NAT10: variants seen among roughly 807,000 people sequenced by gnomAD.
NAT10 encodes N-acetyltransferase 10, also known as RNA cytidine acetyltransferase.
In NAT10, 109 loss-of-function variants were observed where a neutral mutation model predicts 132.2. The observed-to-expected ratio is 0.82, with a 90% confidence interval of 0.71 to 0.97. The LOEUF (loss-of-function observed/expected upper bound fraction) is 0.97. NAT10 is among the 50% of genes least tolerant of loss of function. NAT10 has a pLI of 0.00. For synonymous variants in NAT10, 479 were observed against 478.0 expected, an observed-to-expected ratio of 1.00 and a Z score of -0.03; for missense variants, 1,184 against 1,263.4, an observed-to-expected ratio of 0.94 and a Z score of 0.95.
chr11:34,145,542 G>C (rs186076826), intron 28 of NAT10, among the ~76,000 whole-genome samples: 13 of 152,250 alleles, frequency 8.5e-5, no homozygotes, highest in Admixed American at 8.5e-4. Flanking sequence ...AGAATCCAGG[G>C]GCTGGTCGCA....
intron 2 of NAT10, 53 bp from the exon 3 acceptor site, chr11:34,108,689 G>A (rs951379836): frequency 2.9e-5 from 44 of 1,507,064 alleles, no homozygotes; most frequent in South Asian, 9.5e-5. Context: ...TAAGCCTGGC[G>A]GTCTCTAAAG....
intron 8 of NAT10, among the ~76,000 whole-genome samples, chr11:34,119,384 CA>C (rs1244128535): frequency 6.6e-6 from 1 of 152,254 alleles, no homozygotes; most frequent in Non-Finnish European, 1.5e-5. Flanking sequence ...TGAGTCCCAG[CA>C]GGCTGGCTTC....
At chr11:34,120,702 C>T (rs989277696) in intron 8 of NAT10, among the ~76,000 whole-genome samples, 3 of 152,180 alleles carry the variant, frequency 2.0e-5, no homozygotes, top group African/African-American at 7.2e-5. Context: ...GAGCTTGCCT[C>T]CTAGTGAGAT....
intron 15 of NAT10, 144 bp downstream of exon 15, chr11:34,132,365 G>T: frequency 1.4e-6 from 1 of 725,664 alleles, no homozygotes; most frequent in Non-Finnish European, 2.5e-6. Flanking sequence ...TGATCTTGCT[G>T]TGTGTAGGTA....
At chr11:34,108,636 C>T (rs1851637541) in intron 2 of NAT10, 106 bp from the exon 3 acceptor site, 1 of 1,073,824 alleles carries the variant, frequency 9.3e-7, no homozygotes. Flanking sequence ...CACTTCCCTT[C>T]CCTGGCCCTC....
rs150761395 is a variant in NAT10 at position 34,115,805 on chromosome 11, G to T, written c.496-18G>T. 1 of 1,613,662 alleles carries T rather than the reference G, an allele frequency of 6.2e-7. No individual in the cohort carries two copies. The highest frequency in any genetic ancestry group is 8.5e-7 in the Non-Finnish European group (1 of 1,179,766). On this transcript the variant is annotated intron_variant, in intron 5 of 28. Transcript: ENST00000257829. ...TGTTTGCATGCCTTTGTTAATGGATGTTGTCTTTCTTTGTTAGGATGTGCA... is the reference window on the plus strand; with the variant it reads ...TGTTTGCATGCCTTTGTTAATGGATTTTGTCTTTCTTTGTTAGGATGTGCA...
chr11:34,117,858 C>T (rs1181493351), intron 6 of NAT10, among the ~76,000 whole-genome samples: 1 of 152,038 alleles, frequency 6.6e-6, no homozygotes, highest in Non-Finnish European at 1.5e-5. Context: ...CCTGAAACAC[C>T]TCAGTGCTAA....
intron 12 of NAT10, among the ~76,000 whole-genome samples, chr11:34,129,346 C>T (rs984068209): frequency 1.3e-5 from 2 of 152,092 alleles, no homozygotes; most frequent in Non-Finnish European, 2.9e-5. Flanking sequence ...AGTGACCTCT[C>T]GTTATAATTC....
chr11:34,129,855 C>T (rs552040150), intron 12 of NAT10, among the ~76,000 whole-genome samples: 8 of 151,970 alleles, frequency 5.3e-5, no homozygotes, highest in Admixed American at 3.3e-4. Flanking sequence ...GTGATCTACC[C>T]GCCTCGGCCT....
rs780028551 is a variant in NAT10, at chr11:34,140,512, C to T, written c.2532C>T (p.Ala844=). Residue 844 remains alanine, a synonymous_variant, in exon 24 of 29, where the codon GCC becomes GCT. Coordinates refer to ENST00000257829, the MANE Select transcript of NAT10 (RefSeq NM_024662.3). ...ACCTCATCATGGACATGATCCCGGC[C>T]ATCTCTCGCATCTATTTCCTGAACC... is the stretch of plus-strand genomic sequence containing the variant. ...DYHLIMDMIP[A]ISRIYFLNQL... 1.9e-6 allele frequency: 3 copies of T among 1,614,220 alleles called. No individual in the cohort carries two copies. Among genetic ancestry groups the T allele is most frequent in the South Asian group, 2.2e-5 (2 of 91,074 alleles).
chr11:34,140,913 G>A lies in NAT10; in HGVS notation c.2593-176G>A, dbSNP rs550273985. 1.2e-4 allele frequency among the ~76,000 whole-genome samples: 18 copies of A among 152,188 alleles called. No individual in the cohort carries two copies. In the South Asian group the frequency reaches 3.7e-3, roughly 32 times the overall value. ...AAAGTTACTTTGGGGATTTTAGGAA[G>A]ACAGCATTTCTTGGTGGTCTCAGTA... On this transcript the variant is annotated intron_variant, in intron 24 of 28. Coordinates refer to ENST00000257829, the MANE Select transcript of NAT10 (RefSeq NM_024662.3).
chr11:34,141,633 T>G (rs1401772527), intron 25 of NAT10, 86 bp from the exon 26 acceptor site: 1 of 1,185,262 alleles, frequency 8.4e-7, no homozygotes, highest in Non-Finnish European at 1.2e-6. Flanking sequence ...CACACCTTTC[T>G]ATAAGACACC....
chr11:34,141,346 C>T (rs1220263490), intron 25 of NAT10, 138 bp downstream of exon 25: 3 of 1,217,648 alleles, frequency 2.5e-6, no homozygotes, highest in Non-Finnish European at 3.4e-6. Context: ...CACACACACA[C>T]AAATCCAGGA....
intron 3 of NAT10, 31 bp from the exon 4 acceptor site, chr11:34,112,021 C>G (rs371955650): frequency 6.2e-7 from 1 of 1,612,008 alleles, no homozygotes; most frequent in Non-Finnish European, 8.5e-7. Flanking sequence ...GGTTAACTGG[C>G]TCTCATGGGA....
At chr11:34,139,337 G>A in intron 22 of NAT10, 48 bp from the exon 23 acceptor site, 3 of 1,609,700 alleles carry the variant, frequency 1.9e-6, no homozygotes, top group Non-Finnish European at 2.6e-6. Context: ...ATTGGGGGCT[G>A]CCGGGGATGC....
chr11:34,122,452 T>G lies in NAT10; in HGVS notation c.781-7T>G, dbSNP rs975274958. 2.5e-6 allele frequency: 4 copies of G among 1,614,106 alleles called. No homozygotes were observed. Among genetic ancestry groups the G allele is most frequent in the Non-Finnish European group, 3.4e-6 (4 of 1,179,994 alleles). On this transcript the variant is annotated splice_polypyrimidine_tract_variant and splice_region_variant and intron_variant, in intron 8 of 28. Transcript: ENST00000257829. ...GGAGTTCACCTAATATGTTTCTGTT[T>G]CCACAGGCCAAAGCTGTCTTGAAAT...
intron 8 of NAT10, among the ~76,000 whole-genome samples, chr11:34,121,203 A>C (rs922438418): frequency 6.6e-6 from 1 of 152,118 alleles, no homozygotes; most frequent in Non-Finnish European, 1.5e-5. Flanking sequence ...TTTTAAGAGG[A>C]TCGTCTGGCT....
At chr11:34,132,380 G>A (rs1245835340) in intron 15 of NAT10, among the ~76,000 whole-genome samples, 159 bp downstream of exon 15, 1 of 152,220 alleles carries the variant, frequency 6.6e-6, no homozygotes, top group Admixed American at 6.5e-5. Context: ...TAGGTATAGA[G>A]CATGTAGCTC....
At chr11:34,129,246 C>G (rs1852056339) in intron 12 of NAT10, among the ~76,000 whole-genome samples, 1 of 152,298 alleles carries the variant, frequency 6.6e-6, no homozygotes, top group African/African-American at 2.4e-5. Context: ...TTCTACGTTC[C>G]CACCAGCAGT....
Sources: allele counts gnomAD v4.1 joint callset (sites outside exome capture counted in the v4.1 genomes callset), GRCh38; gene constraint gnomAD v4.1.1; transcripts MANE v1.5; gene names NCBI Gene and HGNC (gene_info 2026-07-23, HGNC 2026-07-21).